HPSE2: variants seen among roughly 807,000 people sequenced by gnomAD.
The protein encoded by HPSE2 is heparanase 2 (inactive).
Under a neutral mutation model 60.5 loss-of-function variants are expected in HPSE2, and 38 were observed. The ratio of observed to expected loss-of-function variants is 0.63; its 90% CI spans 0.48 to 0.82. HPSE2 has a LOEUF of 0.82. Ranked by LOEUF, HPSE2 falls within the 40% of genes least tolerant of loss-of-function variation. HPSE2 has a pLI of 0.00. For synonymous variants in HPSE2, 295 were observed against 293.2 expected (o/e 1.01, Z -0.06); for missense variants, 713 against 740.4 (o/e 0.96, Z 0.43).
At chr10:98,982,849 G>C (rs1956239857) in intron 3 of HPSE2, among the ~76,000 whole-genome samples, 1 of 152,236 alleles carries the variant, frequency 6.6e-6, no homozygotes, top group South Asian at 2.1e-4. Context: ...AGGTGAAAAA[G>C]TCAAGTCTCG....
intron 2 of HPSE2, among the ~76,000 whole-genome samples, chr10:99,176,385 G>A (rs1247016937): frequency 6.6e-6 from 1 of 152,066 alleles, no homozygotes; most frequent in Non-Finnish European, 1.5e-5. Context: ...AAAAAGGTTA[G>A]ACGAATTGCT....
chr10:98,601,511 C>T (rs951935348), intron 9 of HPSE2, among the ~76,000 whole-genome samples: 2 of 152,176 alleles, frequency 1.3e-5, no homozygotes, highest in African/African-American at 2.4e-5. Context: ...TGACTACCAA[C>T]CGTGATTATC....
intron 4 of HPSE2, among the ~76,000 whole-genome samples, chr10:98,727,761 A>C (rs1465832464): frequency 7.1e-6 from 1 of 141,054 alleles, no homozygotes; most frequent in Non-Finnish European, 1.5e-5. Flanking sequence ...ATACATAAAG[A>C]AAAAGAAATT....
At chr10:98,596,472 C>CTT (rs35468569) in intron 9 of HPSE2, among the ~76,000 whole-genome samples, 38 of 148,868 alleles carry the variant, frequency 2.6e-4, no homozygotes, top group South Asian at 1.7e-3. Flanking sequence ...AATTAGCATC[C>CTT]TTTTTTTTTT....
At chr10:98,887,040 G>A (rs1953184951) in intron 3 of HPSE2, among the ~76,000 whole-genome samples, 1 of 152,132 alleles carries the variant, frequency 6.6e-6, no homozygotes, top group Non-Finnish European at 1.5e-5. Context: ...ACAAAGGAAT[G>A]CCTCAGAAGC....
At chr10:98,610,657 A>C (rs185231081) in intron 9 of HPSE2, among the ~76,000 whole-genome samples, 1 of 152,336 alleles carries the variant, frequency 6.6e-6, no homozygotes, top group Non-Finnish European at 1.5e-5. Flanking sequence ...AAGGCAATCC[A>C]ATGTGATCTA....
intron 9 of HPSE2, among the ~76,000 whole-genome samples, chr10:98,534,500 G>A (rs1310905808): frequency 6.6e-6 from 1 of 152,118 alleles, no homozygotes; most frequent in African/African-American, 2.4e-5. Flanking sequence ...CGCCTCTTGG[G>A]ATCAAGCGAT....
intron 3 of HPSE2, among the ~76,000 whole-genome samples, chr10:99,119,999 T>C (rs1001208053): frequency 6.6e-6 from 1 of 152,054 alleles, no homozygotes; most frequent in Admixed American, 6.5e-5. Context: ...CCCTGGAAGA[T>C]AACCTAGGCA....
chr10:98,728,395 A>T (rs1383997455), intron 4 of HPSE2, among the ~76,000 whole-genome samples: 6 of 152,112 alleles, frequency 3.9e-5, no homozygotes, highest in African/African-American at 1.4e-4. Context: ...AGGTGGGTGG[A>T]TCACCTGAGG....
At chr10:98,472,454 G>A (rs1940816951) in intron 11 of HPSE2, among the ~76,000 whole-genome samples, 1 of 152,102 alleles carries the variant, frequency 6.6e-6, no homozygotes, top group African/African-American at 2.4e-5. Context: ...TGGTTGATCT[G>A]CACCAGGGGG....
chr10:98,805,802 T>C (rs949731816), intron 3 of HPSE2, among the ~76,000 whole-genome samples: 6 of 152,178 alleles, frequency 3.9e-5, no homozygotes, highest in African/African-American at 1.4e-4. Context: ...CAGTGGCAAA[T>C]GCAAGATTTC....
chr10:98,467,525 AG>A (rs1940589397), intron 11 of HPSE2, among the ~76,000 whole-genome samples: 3 of 152,196 alleles, frequency 2.0e-5, no homozygotes, highest in African/African-American at 7.2e-5. Context: ...GAGGAGGGGC[AG>A]GGGAGAGATA....
intron 3 of HPSE2, among the ~76,000 whole-genome samples, chr10:98,776,485 A>G (rs10883199): frequency 0.71 from 107,215 of 151,594 alleles, 38,932 homozygotes; most frequent in South Asian, 0.81. Context: ...AATAAACAGT[A>G]TATCTACAGA....
intron 3 of HPSE2, among the ~76,000 whole-genome samples, chr10:99,033,221 T>C (rs939080847): frequency 2.0e-5 from 3 of 152,226 alleles, no homozygotes; most frequent in African/African-American, 7.2e-5. Context: ...TGTAACAATA[T>C]GGTTATTACT....
At chr10:98,723,583 C>G (rs1195054067) in intron 4 of HPSE2, among the ~76,000 whole-genome samples, 1 of 152,162 alleles carries the variant, frequency 6.6e-6, no homozygotes, top group African/African-American at 2.4e-5. Context: ...GGCTGTGAAT[C>G]CATCTGGTCC....
At chr10:98,729,481 C>T (rs545075810) in intron 4 of HPSE2, among the ~76,000 whole-genome samples, 3 of 151,776 alleles carry the variant, frequency 2.0e-5, no homozygotes, top group Non-Finnish European at 4.4e-5. Context: ...TGGTGGCGGG[C>T]GCCTGTAATC....
rs550083419 is a variant in HPSE2, at chr10:98,851,742, T to C, written c.611-107686A>G. 1.3e-4 allele frequency among the ~76,000 whole-genome samples: 20 copies of C among 152,304 alleles called. No homozygotes were observed. In the South Asian group the frequency reaches 4.1e-3, roughly 32 times the overall value. On this transcript the variant is annotated intron_variant, in intron 3 of 11. Coordinates refer to ENST00000370552, the MANE Select transcript of HPSE2 (RefSeq NM_021828.5). Reference sequence around the variant, plus strand: ...AAACCAGTATTTTCTTTAACTGTGATACAAATAAGCTCACTTCCACCTCCA... The same window carrying C: ...AAACCAGTATTTTCTTTAACTGTGACACAAATAAGCTCACTTCCACCTCCA...
intron 9 of HPSE2, among the ~76,000 whole-genome samples, chr10:98,549,203 T>TA (rs961150835): frequency 1.3e-5 from 2 of 151,996 alleles, no homozygotes; most frequent in Non-Finnish European, 2.9e-5. Context: ...GACATTGGGC[T>TA]AAAAAAAATT....
chr10:98,566,736 T>C (rs779317906), intron 9 of HPSE2, among the ~76,000 whole-genome samples: 5 of 152,144 alleles, frequency 3.3e-5, no homozygotes, highest in Admixed American at 1.3e-4. Flanking sequence ...AATGTGCTTA[T>C]GTTTGAGAAC....
Sources: gnomAD v4.1 joint callset for allele counts (sites outside exome capture counted in the v4.1 genomes callset) on GRCh38, gnomAD v4.1.1 for gene constraint, MANE v1.5 for transcripts, NCBI Gene and HGNC (gene_info 2026-07-23, HGNC 2026-07-21) for gene names.